The following UBAP2L variants were observed in gnomAD, a reference collection of about 807,000 sequenced individuals.
The protein encoded by UBAP2L is ubiquitin-associated protein 2-like.
In UBAP2L, 12 loss-of-function variants were observed where a neutral mutation model predicts 130.6. The observed-to-expected ratio is 0.09, with a 90% CI of 0.06 to 0.15. The LOEUF (loss-of-function observed/expected upper bound fraction) is 0.15, where lower values mean the gene tolerates loss of function less well. UBAP2L is among the 10% of genes least tolerant of loss of function. UBAP2L has a pLI of 1.00. For missense variants in UBAP2L, 965 were observed against 1,332.5 expected (o/e 0.72, Z 4.29); for synonymous variants, 503 against 524.7 (o/e 0.96, Z 0.57).
At position 154,260,887 on chromosome 1, in the gene UBAP2L, C is replaced by A. The variant is rs1681351077; in HGVS notation, c.2579-5C>A. On this transcript the variant is annotated splice_region_variant and splice_polypyrimidine_tract_variant and intron_variant, in intron 22 of 26. Transcript: ENST00000428931. Reference sequence around the variant, plus strand: ...GGCAGGTACATTTAGCTTCTCCTGTCACAGGTGACCTCACAAAGTTCGGCC... The same window carrying A: ...GGCAGGTACATTTAGCTTCTCCTGTAACAGGTGACCTCACAAAGTTCGGCC... 6.2e-7 allele frequency: 1 copy of A among 1,613,902 alleles called. No homozygotes were observed. The highest frequency in any genetic ancestry group is 1.7e-5 in the Admixed American group (1 of 59,994).
At chr1:154,236,723 C>A in intron 7 of UBAP2L, 112 bp downstream of exon 7, 1 of 1,127,754 alleles carries the variant, frequency 8.9e-7, no homozygotes, top group Non-Finnish European at 1.3e-6. Context: ...GATATGGGGA[C>A]TTAGGGCTCA....
chr1:154,228,141 G>GA (rs1668587552), intron 3 of UBAP2L, among the ~76,000 whole-genome samples: 1 of 151,822 alleles, frequency 6.6e-6, no homozygotes, highest in African/African-American at 2.4e-5. Context: ...GGTGGTTCTG[G>GA]AAAACCTGCT....
Position 154,243,295 on chromosome 1 carries a change from G to A in UBAP2L, c.835G>A (p.Gly279Ser), listed in dbSNP as rs1674185595. The change falls in exon 10 of 27, where the codon GGT (glycine) becomes AGT (serine). Residue 279 changes from glycine (G) to serine (S), a missense_variant. Transcript: ENST00000428931. ...LPAENVTITA[G>S]QRIDLAVLLG... ...TGCGGAGAATGTGACAATCACTGCT[G>A]GTCAGAGGCAAGTGTGCAGTAAAAT... 1.2e-6 allele frequency: 2 copies of A among 1,611,222 alleles called. No individual in the cohort carries two copies. The highest frequency in any genetic ancestry group is 1.7e-6 in the Non-Finnish European group (2 of 1,177,862).
chr1:154,270,948 A>G, downstream of UBAP2L: 1 of 1,549,900 alleles, frequency 6.5e-7, no homozygotes, highest in Non-Finnish European at 8.7e-7. Flanking sequence ...GGCCTCCTCT[A>G]GCAGGCCCCT....
intron 8 of UBAP2L, among the ~76,000 whole-genome samples, chr1:154,239,250 T>C (rs368646027): frequency 1.2e-4 from 18 of 152,256 alleles, no homozygotes; most frequent in African/African-American, 3.1e-4. Context: ...CTTTTCTTTT[T>C]TTTTTGTTTC....
rs147883797 is a variant in UBAP2L, at chr1:154,253,212, C to T, written c.1665-688C>T. On this transcript the variant is annotated intron_variant, in intron 14 of 26. Coordinates refer to ENST00000428931, the MANE Select transcript of UBAP2L (RefSeq NM_014847.4). ...AGAGACAAGGTTTCGCCATGTTGGC[C>T]AGGCTGGTCTCGATCTCCTGACCTT... Among the ~76,000 whole-genome samples, 136 of 151,540 alleles carry T rather than the reference C, an allele frequency of 9.0e-4. 3 individuals are homozygous for T. In the East Asian group the frequency reaches 0.024, roughly 27 times the overall value.
chr1:154,235,403 A>G, intron 6 of UBAP2L, 112 bp downstream of exon 6: 1 of 602,916 alleles, frequency 1.7e-6, no homozygotes. Context: ...CCCAGGCCGG[A>G]GTGCAGTGGC....
chr1:154,263,970 C>T (rs1297356055), intron 24 of UBAP2L, among the ~76,000 whole-genome samples: 1 of 152,152 alleles, frequency 6.6e-6, no homozygotes, highest in Non-Finnish European at 1.5e-5. Context: ...GACTCAGGCT[C>T]TGTGGCGACT....
intron 10 of UBAP2L, among the ~76,000 whole-genome samples, chr1:154,245,780 C>T (rs1675256261): frequency 6.6e-6 from 1 of 151,992 alleles, no homozygotes; most frequent in East Asian, 1.9e-4. Context: ...ATTAGCCGGG[C>T]GTGGTGGCAG....
intron 4 of UBAP2L, among the ~76,000 whole-genome samples, chr1:154,231,477 G>A (rs867868634): frequency 1.3e-5 from 2 of 151,820 alleles, no homozygotes; most frequent in Middle Eastern, 3.4e-3. Context: ...ATTTTGGTAT[G>A]TTTAGTAGAG....
rs1218915215 is a variant in UBAP2L at position 154,234,548 on chromosome 1, G to A, written c.280-43G>A. The A allele has an allele frequency of 5.6e-6, 9 of 1,606,488 alleles. No individual in the cohort carries two copies. In the Middle Eastern group the frequency reaches 6.6e-4, roughly 118 times the overall value. Reference sequence around the variant, plus strand: ...AGCTTTCATCTCTAGTGTCCTGATAGCACTCCATATTGATTAGATATGAAT... The same window carrying A: ...AGCTTTCATCTCTAGTGTCCTGATAACACTCCATATTGATTAGATATGAAT... On this transcript the variant is annotated intron_variant, in intron 4 of 26. Coordinates refer to ENST00000428931, the MANE Select transcript of UBAP2L (RefSeq NM_014847.4).
At chr1:154,255,824 CAA>C (rs1165369027) in intron 18 of UBAP2L, 69 bp downstream of exon 18, 3 of 1,559,112 alleles carry the variant, frequency 1.9e-6, no homozygotes, top group Non-Finnish European at 2.6e-6. Context: ...AAGATTGTCC[CAA>C]GAGAGAATTA....
Position 154,254,877 on chromosome 1 carries a change from A to G in UBAP2L, c.1896A>G (p.Thr632=). 1.9e-6 allele frequency: 3 copies of G among 1,598,880 alleles called. No homozygotes were observed. The highest frequency in any genetic ancestry group is 2.6e-6 in the Non-Finnish European group (3 of 1,176,148). ...SSVQATQLQT[T]QSVEGATGSA... is the part of the protein sequence containing the mutation. ...TGCAGGCCACGCAGTTACAGACCAC[A>G]CAATCTGTTGAAGGTGAGTGTTCTT... is the stretch of plus-strand genomic sequence containing the variant. The change falls in exon 16 of 27, where the codon ACA becomes ACG. Residue 632 remains threonine, a synonymous_variant. Coordinates refer to ENST00000428931, the MANE Select transcript of UBAP2L (RefSeq NM_014847.4).
chr1:154,249,223 C>G lies in UBAP2L; in HGVS notation c.1015-16C>G, dbSNP rs749146091. On this transcript the variant is annotated splice_polypyrimidine_tract_variant and intron_variant, in intron 11 of 26. Transcript: ENST00000428931. ...TACTGGCTGTAGGTTTCTCTCATCTCTTTGTTGATCTACAGGTGAGCATGT... is the reference window on the plus strand; with the variant it reads ...TACTGGCTGTAGGTTTCTCTCATCTGTTTGTTGATCTACAGGTGAGCATGT... 1 of 1,613,474 alleles carries G rather than the reference C, an allele frequency of 6.2e-7. No individual in the cohort carries two copies. Among genetic ancestry groups the G allele is most frequent in the South Asian group, 1.1e-5 (1 of 91,036 alleles).
chr1:154,243,301 A>G lies in UBAP2L; in HGVS notation c.841A>G (p.Arg281Gly). ...GAATGTGACAATCACTGCTGGTCAGAGGCAAGTGTGCAGTAAAATTTAGTA... is the reference window on the plus strand; with the variant it reads ...GAATGTGACAATCACTGCTGGTCAGGGGCAAGTGTGCAGTAAAATTTAGTA... ...AENVTITAGQ[R>G]IDLAVLLGKT... The change falls in exon 10 of 27, where the codon AGA (arginine) becomes GGA (glycine). Residue 281 changes from arginine to glycine, a missense_variant and splice_region_variant. Transcript: ENST00000428931. The G allele has an allele frequency of 6.2e-7, 1 of 1,611,092 alleles. No individual in the cohort carries two copies. Among genetic ancestry groups the G allele is most frequent in the Non-Finnish European group, 8.5e-7 (1 of 1,177,720 alleles).
chr1:154,254,053 C>T lies in UBAP2L; in HGVS notation c.1818C>T (p.Ile606=). ...AGACTCGGCGGTACCCCAGCTCCAT[C>T]TCTTCATCACCCCAAAAGGACCTGA... ...STQTRRYPSS[I]SSSPQKDLTQ... is the part of the protein sequence containing the mutation. The change falls in exon 15 of 27, where the codon ATC becomes ATT. Residue 606 remains isoleucine, a synonymous_variant. Coordinates refer to ENST00000428931, the MANE Select transcript of UBAP2L (RefSeq NM_014847.4). 2 of 1,597,318 alleles carry T rather than the reference C, an allele frequency of 1.3e-6. No individual in the cohort carries two copies. Among genetic ancestry groups the T allele is most frequent in the Non-Finnish European group, 1.7e-6 (2 of 1,173,118 alleles).
At position 154,227,377 on chromosome 1, in the gene UBAP2L, TTACTG is replaced by T; in HGVS notation, c.168+22_168+26del. On this transcript the variant is annotated intron_variant, in intron 3 of 26. Transcript: ENST00000428931. ...TGAAACAAGTGAGTGTATCACTAAT[TTACTG>T]TACACTATGAGAAAAGATACCAGTA... The T allele has an allele frequency of 6.2e-7, 1 of 1,600,238 alleles. No individual in the cohort carries two copies. The highest frequency in any genetic ancestry group is 8.6e-7 in the Non-Finnish European group (1 of 1,168,026).
At chr1:154,228,377 A>G (rs1668678392) in intron 3 of UBAP2L, among the ~76,000 whole-genome samples, 1 of 152,028 alleles carries the variant, frequency 6.6e-6, no homozygotes, top group Admixed American at 6.6e-5. Flanking sequence ...TAGTAGAGAC[A>G]GGTTTAATCA....
At chr1:154,234,221 G>A (rs1445535869) in intron 4 of UBAP2L, among the ~76,000 whole-genome samples, 1 of 151,914 alleles carries the variant, frequency 6.6e-6, no homozygotes, top group African/African-American at 2.4e-5. Context: ...AAATTAGCCG[G>A]GCATGGTGTC....
Sources: gnomAD v4.1 joint callset for allele counts (sites outside exome capture counted in the v4.1 genomes callset) on GRCh38, gnomAD v4.1.1 for gene constraint, MANE v1.5 for transcripts, NCBI Gene and HGNC (gene_info 2026-07-23, HGNC 2026-07-21) for gene names.